The following DGLUCY variants were observed in gnomAD, a reference collection of about 807,000 sequenced individuals.
DGLUCY encodes D-glutamate cyclase, also known as D-glutamate cyclase, mitochondrial.
In DGLUCY, 58 loss-of-function variants were observed where a neutral mutation model predicts 58.5. That is an observed-to-expected ratio of 0.99 (90% CI 0.80 to 1.23). The LOEUF is 1.23. Among genes scored for constraint, DGLUCY ranks in the 50% most tolerant of loss-of-function variants. DGLUCY has a pLI of 0.00. For missense variants in DGLUCY, 779 were observed against 784.7 expected, an observed-to-expected ratio of 0.99 and a Z score of 0.09; for synonymous variants, 325 against 314.1, an observed-to-expected ratio of 1.03 and a Z score of -0.37.
intron 6 of DGLUCY, chr14:91,173,757 C>T (rs551469230): frequency 1.3e-5 from 3 of 234,956 alleles, no homozygotes; most frequent in African/African-American, 4.5e-5. Flanking sequence ...TTTAAAGGTG[C>T]CACCCTTGGC....
At chr14:91,092,582 A>G (rs2044330136) in intron 1 of DGLUCY, among the ~76,000 whole-genome samples, 1 of 152,204 alleles carries the variant, frequency 6.6e-6, no homozygotes, top group Non-Finnish European at 1.5e-5. Context: ...TAGTGCCTGT[A>G]TGTGTAGGAG....
chr14:91,167,038 C>CT (rs2048323602), intron 3 of DGLUCY, among the ~76,000 whole-genome samples, 187 bp from the exon 4 acceptor site: 1 of 151,716 alleles, frequency 6.6e-6, no homozygotes, highest in Non-Finnish European at 1.5e-5. Context: ...ACTCGGGGGG[C>CT]TGAGGCAGGA....
intron 13 of DGLUCY, among the ~76,000 whole-genome samples, chr14:91,219,455 C>T (rs116936537): frequency 5.9e-5 from 9 of 152,344 alleles, no homozygotes; most frequent in South Asian, 2.1e-4. Flanking sequence ...CAGGTCACTA[C>T]GTGGGGGTCC....
At chr14:91,068,472 C>T (rs933421715) in intron 1 of DGLUCY, among the ~76,000 whole-genome samples, 12 of 152,178 alleles carry the variant, frequency 7.9e-5, no homozygotes, top group African/African-American at 2.9e-4. Context: ...AGTTTGAGAT[C>T]AGCCTGACCA....
At chr14:91,142,839 A>G (rs976112483) in intron 1 of DGLUCY, among the ~76,000 whole-genome samples, 15 of 55,892 alleles carry the variant, frequency 2.7e-4, no homozygotes, top group Non-Finnish European at 4.2e-4. Context: ...CATCTCTACT[A>G]AACACACACA....
intron 1 of DGLUCY, among the ~76,000 whole-genome samples, chr14:91,071,128 A>C (rs182768808): frequency 1.3e-5 from 2 of 151,832 alleles, no homozygotes; most frequent in Admixed American, 1.3e-4. Flanking sequence ...GTCAGGAGAT[A>C]GAGACCATCC....
chr14:91,075,030 C>T (rs542426801), intron 1 of DGLUCY, among the ~76,000 whole-genome samples: 1 of 151,484 alleles, frequency 6.6e-6, no homozygotes, highest in East Asian at 1.9e-4. Context: ...CAAGATCGTG[C>T]CATTGCACTC....
intron 8 of DGLUCY, among the ~76,000 whole-genome samples, chr14:91,181,795 C>A (rs2049186597): frequency 1.3e-5 from 2 of 149,374 alleles, no homozygotes; most frequent in Admixed American, 1.3e-4. Context: ...TACAGGCACG[C>A]TCCACCACAC....
intron 1 of DGLUCY, among the ~76,000 whole-genome samples, chr14:91,121,825 C>G (rs2045385082): frequency 6.6e-6 from 1 of 152,076 alleles, no homozygotes; most frequent in Non-Finnish European, 1.5e-5. Flanking sequence ...AACCCCTACC[C>G]TTAAGAGGTT....
chr14:91,193,297 A>G (rs1018281482), intron 9 of DGLUCY, among the ~76,000 whole-genome samples: 2 of 151,964 alleles, frequency 1.3e-5, no homozygotes, highest in Admixed American at 1.3e-4. Flanking sequence ...GTTGCTGGGT[A>G]TTTTCAGCTG....
intron 9 of DGLUCY, among the ~76,000 whole-genome samples, chr14:91,191,304 G>T (rs1283715988): frequency 6.6e-6 from 1 of 152,192 alleles, no homozygotes; most frequent in Non-Finnish European, 1.5e-5. Context: ...GAGGAGAGGG[G>T]AATGGGGAGA....
At chr14:91,193,001 G>C (rs2049992176) in intron 9 of DGLUCY, among the ~76,000 whole-genome samples, 1 of 152,188 alleles carries the variant, frequency 6.6e-6, no homozygotes. Context: ...TTGGGAGGCT[G>C]TTGGCGTGTT....
intron 1 of DGLUCY, among the ~76,000 whole-genome samples, chr14:91,136,660 G>T (rs1462240212): frequency 6.7e-6 from 1 of 149,948 alleles, no homozygotes; most frequent in African/African-American, 2.5e-5. Context: ...TATAGCCTGG[G>T]TGACAGAGCA....
chr14:91,175,210 TC>T (rs1479778084), intron 6 of DGLUCY, among the ~76,000 whole-genome samples: 1 of 152,002 alleles, frequency 6.6e-6, no homozygotes, highest in African/African-American at 2.4e-5. Flanking sequence ...AATCCATTGA[TC>T]CCCAGCGTAT....
rs10142502 is a variant in DGLUCY at position 91,160,322 on chromosome 14, C to T, written c.28C>T (p.Arg10Cys). 5,568 of 1,613,378 alleles carry T rather than the reference C, an allele frequency of 3.5e-3. 165 individuals carry two copies. The African/African-American group carries it at 0.063, about 18-fold the overall frequency. The change falls in exon 3 of 14, where the codon CGC becomes TGC. Residue 10 changes from arginine (R) to cysteine (C), a missense_variant. By Grantham distance (180) the Arg-to-Cys change is radical. Coordinates refer to ENST00000256324, the MANE Select transcript of DGLUCY (RefSeq NM_001102368.3). MPFTLHLRSRLPSAIRSLIL... is the reference protein window; with the variant it reads MPFTLHLRSCLPSAIRSLIL... The stretch of plus-strand genomic sequence containing the variant: ...GCCCTTCACACTCCACCTGAGGTCC[C>T]GCCTTCCCTCTGCCATAAGGAGTTT...
Position 91,137,170 on chromosome 14 carries a change from C to T in DGLUCY, c.-81-20469C>T, listed in dbSNP as rs569850426. ...TTTTTTCCCGTAGAGACATGGTCTC[C>T]CTATGTTGTCCAGGCTGGTCTCCAA... On this transcript the variant is annotated intron_variant, in intron 1 of 13. Coordinates refer to ENST00000256324, the MANE Select transcript of DGLUCY (RefSeq NM_001102368.3). 3.1e-4 allele frequency among the ~76,000 whole-genome samples: 47 copies of T among 151,128 alleles called. 2 individuals are homozygous for T. In the South Asian group the frequency reaches 9.6e-3, roughly 31 times the overall value.
In DGLUCY at chr14:91,208,040, G is replaced by T. The variant is rs140463828; in HGVS notation, c.1564+3215G>T. ...TGGGATTACAGGAGAGAGCCACCAC[G>T]CCCGGCCACCTTTAATCTTTACATT... On this transcript the variant is annotated intron_variant, in intron 12 of 13. Transcript: ENST00000256324. Among the ~76,000 whole-genome samples the T allele has an allele frequency of 4.6e-5, 7 of 152,280 alleles. No individual in the cohort carries two copies. In the East Asian group the frequency reaches 1.2e-3, roughly 25 times the overall value.
At chr14:91,147,054 A>T (rs1451877194) in intron 1 of DGLUCY, among the ~76,000 whole-genome samples, 1 of 152,110 alleles carries the variant, frequency 6.6e-6, no homozygotes, top group African/African-American at 2.4e-5. Context: ...AAGGTCCCTG[A>T]TGGTGCATCC....
Position 91,062,605 on chromosome 14 carries a change from ATATAT to A in DGLUCY, c.-82+1902_-82+1906del, listed in dbSNP as rs1309207772. ...TATATATATATATATATATATATAT[ATATAT>A]AAACAATCCTTAGCTCAAGGGCAGT... On this transcript the variant is annotated intron_variant, in intron 1 of 4. Coordinates refer to the DGLUCY transcript ENST00000521334. 1.7e-3 allele frequency among the ~76,000 whole-genome samples: 54 copies of A among 31,664 alleles called. 2 individuals carry two copies. The highest frequency in any genetic ancestry group is 3.0e-3 in the African/African-American group (19 of 6,402). The allele number at this position is 31,664 out of a possible 152,430, so 20.8% of individuals were successfully genotyped here.
Sources: allele counts gnomAD v4.1 joint callset (sites outside exome capture counted in the v4.1 genomes callset), GRCh38; gene constraint gnomAD v4.1.1; transcripts MANE v1.5; gene names NCBI Gene and HGNC (gene_info 2026-07-23, HGNC 2026-07-21).